The following POF1B variants were observed in gnomAD, a reference collection of about 807,000 sequenced individuals.
POF1B encodes the protein POF1B actin binding protein.
POF1B carries 53 observed loss-of-function variants against 55.3 expected under a neutral mutation model. That is an observed-to-expected ratio of 0.96 (90% confidence interval 0.77 to 1.20). The LOEUF is 1.20. Ranked by LOEUF, POF1B falls within the 50% of genes most tolerant of loss-of-function variation. The probability of loss-of-function intolerance (pLI) is 0.00; values close to 1 mark genes in which losing one functional copy is unlikely to be tolerated. For synonymous variants in POF1B, 188 were observed against 148.3 expected (o/e 1.27, Z -1.95); for missense variants, 478 against 420.5 (o/e 1.14, Z -1.20).
intron 15 of POF1B, among the ~76,000 whole-genome samples, chrX:85,293,418 C>T (rs1603025322): frequency 9.0e-6 from 1 of 111,295 alleles, no homozygotes; most frequent in East Asian, 2.8e-4. Context: ...TAACACAGGA[C>T]CAGAAAATCA....
intron 2 of POF1B, among the ~76,000 whole-genome samples, chrX:85,374,740 T>C (rs1933892884): frequency 8.9e-6 from 1 of 111,991 alleles, no homozygotes; most frequent in African/African-American, 3.2e-5. Flanking sequence ...TGACAGAATT[T>C]GCCAAGGCAA....
chrX:85,356,603 G>A (rs1933507247), intron 4 of POF1B, among the ~76,000 whole-genome samples: 1 of 109,602 alleles, frequency 9.1e-6, no homozygotes, highest in African/African-American at 3.3e-5. Flanking sequence ...AAATCTGTAA[G>A]GAAGTAAATC....
chrX:85,310,577 A>G (rs1042661926), intron 9 of POF1B, among the ~76,000 whole-genome samples: 1 of 112,334 alleles, frequency 8.9e-6, no homozygotes, highest in Non-Finnish European at 1.9e-5. Context: ...AGAAAAAATT[A>G]AACAGAGCTT....
At chrX:85,323,145 C>T (rs980005540) in intron 7 of POF1B, among the ~76,000 whole-genome samples, 2 of 111,471 alleles carry the variant, frequency 1.8e-5, no homozygotes, top group Non-Finnish European at 3.8e-5. Context: ...CACATGCACA[C>T]GTACATTTAT....
At chrX:85,374,888 T>G (rs1325891574) in intron 2 of POF1B, among the ~76,000 whole-genome samples, 2 of 112,227 alleles carry the variant, frequency 1.8e-5, no homozygotes, top group Admixed American at 9.4e-5. Flanking sequence ...AAGAAACATG[T>G]TATTTATAAT....
Position 85,302,126 on chromosome X carries a change from T to C in POF1B, c.1649+1280A>G, listed in dbSNP as rs373166182. On this transcript the variant is annotated intron_variant, in intron 15 of 16. Transcript: ENST00000262753. ...TGGATTTTTTTCTATATTAAATACT[T>C]ATGCTGCATATTATACTCTCAAGAT... Among the ~76,000 whole-genome samples, 504 of 111,389 alleles carry C rather than the reference T, an allele frequency of 4.5e-3. 2 individuals carry two copies. The highest frequency in any genetic ancestry group is 0.016 in the African/African-American group (480 of 30,718).
At chrX:85,292,061 TG>T (rs1932202686) in intron 15 of POF1B, among the ~76,000 whole-genome samples, 1 of 111,464 alleles carries the variant, frequency 9.0e-6, no homozygotes, top group South Asian at 3.8e-4. Context: ...AGTATGATGT[TG>T]GCTGTGGGTT....
chrX:85,286,398 G>T (rs750744995), intron 15 of POF1B, among the ~76,000 whole-genome samples: 7 of 111,369 alleles, frequency 6.3e-5, no homozygotes, highest in African/African-American at 9.8e-5. Context: ...GAAAGAAAAT[G>T]TGAGGTAAAT....
At chrX:85,316,972 A>G (rs766171478) in intron 7 of POF1B, among the ~76,000 whole-genome samples, 1 of 110,811 alleles carries the variant, frequency 9.0e-6, no homozygotes, top group Non-Finnish European at 1.9e-5. Flanking sequence ...AATAACATGC[A>G]GTATTTGGCT....
At chrX:85,305,326 G>C (rs1017605695) in intron 13 of POF1B, among the ~76,000 whole-genome samples, 2 of 110,684 alleles carry the variant, frequency 1.8e-5, no homozygotes, top group African/African-American at 6.5e-5. Flanking sequence ...CCTTAATTTT[G>C]ATGTCAACTA....
intron 7 of POF1B, among the ~76,000 whole-genome samples, chrX:85,325,261 A>G (rs1313794330): frequency 1.8e-5 from 2 of 111,779 alleles, no homozygotes; most frequent in East Asian, 5.6e-4. Context: ...TTCATGGACG[A>G]GATCCTGAAA....
At chrX:85,355,111 G>T (rs1164872097) in intron 4 of POF1B, among the ~76,000 whole-genome samples, 20 of 110,549 alleles carry the variant, frequency 1.8e-4, no homozygotes, top group African/African-American at 6.2e-4. Context: ...AAAACAGAGA[G>T]ATAGACCAAT....
chrX:85,339,740 C>T (rs1213326099), intron 6 of POF1B, among the ~76,000 whole-genome samples: 2 of 110,669 alleles, frequency 1.8e-5, no homozygotes, highest in African/African-American at 6.6e-5. Flanking sequence ...GATTATAAGT[C>T]AATAGAATGG....
At chrX:85,370,761 A>G in intron 2 of POF1B, among the ~76,000 whole-genome samples, 1 of 111,646 alleles carries the variant, frequency 9.0e-6, no homozygotes, top group Middle Eastern at 4.6e-3. Context: ...ATAGCCATTG[A>G]CCATTCCATA....
intron 15 of POF1B, among the ~76,000 whole-genome samples, chrX:85,292,846 T>TAA (rs199735612): frequency 3.0e-5 from 3 of 100,772 alleles, no homozygotes; most frequent in African/African-American, 7.2e-5. Context: ...AACAACCCTG[T>TAA]AAAAAAAAAA....
intron 6 of POF1B, among the ~76,000 whole-genome samples, chrX:85,343,826 G>A (rs1163774991): frequency 1.8e-5 from 2 of 110,516 alleles, no homozygotes; most frequent in African/African-American, 6.6e-5. Flanking sequence ...TATTGCTCAA[G>A]GACTCTCCAC....
At chrX:85,324,228 G>T (rs912683871) in intron 7 of POF1B, among the ~76,000 whole-genome samples, 1 of 111,487 alleles carries the variant, frequency 9.0e-6, no homozygotes, top group South Asian at 3.8e-4. Context: ...CTATCTGTTA[G>T]GTCCATTTTG....
intron 4 of POF1B, among the ~76,000 whole-genome samples, chrX:85,358,084 C>A (rs1478225314): frequency 9.0e-6 from 1 of 111,087 alleles, no homozygotes; most frequent in Non-Finnish European, 1.9e-5. Flanking sequence ...AAAATAGCTT[C>A]CAGAAAAGAT....
intron 13 of POF1B, among the ~76,000 whole-genome samples, chrX:85,304,962 A>T (rs1336482971): frequency 9.0e-6 from 1 of 111,298 alleles, no homozygotes; most frequent in Non-Finnish European, 1.9e-5. Context: ...GCAGTAACAT[A>T]GCTGCAACTC....
Sources: allele counts gnomAD v4.1 joint callset (sites outside exome capture counted in the v4.1 genomes callset), GRCh38; gene constraint gnomAD v4.1.1; transcripts MANE v1.5; gene names NCBI Gene and HGNC (gene_info 2026-07-23, HGNC 2026-07-21).